Variants in DIAPH3 observed in about 807,000 individuals in gnomAD.
The protein encoded by DIAPH3 is protein diaphanous homolog 3.
A neutral mutation model predicts 144.3 loss-of-function variants in DIAPH3; 117 were observed. The observed-to-expected ratio is 0.81, with a 90% CI of 0.70 to 0.95. The LOEUF (loss-of-function observed/expected upper bound fraction) is 0.95, where lower values mean the gene tolerates loss of function less well. Ranked by LOEUF, DIAPH3 falls within the 40% of genes least tolerant of loss-of-function variation. DIAPH3 has a pLI of 0.00. For synonymous variants in DIAPH3, 519 were observed against 488.9 expected, an observed-to-expected ratio of 1.06 and a Z score of -0.81; for missense variants, 1,421 against 1,412.7, an observed-to-expected ratio of 1.01 and a Z score of -0.09.
intron 3 of DIAPH3, among the ~76,000 whole-genome samples, chr13:60,111,198 C>A (rs1267945780): frequency 6.6e-6 from 1 of 152,086 alleles, no homozygotes. Context: ...AAGAGAGTTA[C>A]CTTCATATAG....
At chr13:59,789,133 G>A (rs952905639) in intron 25 of DIAPH3, among the ~76,000 whole-genome samples, 6 of 152,168 alleles carry the variant, frequency 3.9e-5, no homozygotes, top group African/African-American at 1.4e-4. Flanking sequence ...GAATGTCGGC[G>A]GGTGGGGGGG....
intron 27 of DIAPH3, among the ~76,000 whole-genome samples, chr13:59,700,642 C>A (rs1489691318): frequency 1.3e-5 from 2 of 152,130 alleles, no homozygotes; most frequent in African/African-American, 4.8e-5. Context: ...GGTGCAAAGA[C>A]CATGATCTTC....
At chr13:60,150,429 G>T (rs1225747610) in intron 1 of DIAPH3, among the ~76,000 whole-genome samples, 2 of 152,194 alleles carry the variant, frequency 1.3e-5, no homozygotes, top group Non-Finnish European at 2.9e-5. Flanking sequence ...AATTGAAAAG[G>T]AGATGACCAA....
At chr13:59,723,142 G>A in intron 27 of DIAPH3, among the ~76,000 whole-genome samples, 1 of 152,156 alleles carries the variant, frequency 6.6e-6, no homozygotes, top group East Asian at 1.9e-4. Context: ...ATGTGTTCTT[G>A]GTGACACTGA....
chr13:59,945,801 T>G (rs1387287252), intron 17 of DIAPH3, among the ~76,000 whole-genome samples: 3 of 152,212 alleles, frequency 2.0e-5, no homozygotes, highest in Non-Finnish European at 4.4e-5. Flanking sequence ...TGAGTATTTC[T>G]GTCCTGTTTC....
intron 20 of DIAPH3, among the ~76,000 whole-genome samples, chr13:59,882,109 G>T (rs1453941995): frequency 6.6e-6 from 1 of 151,852 alleles, no homozygotes; most frequent in East Asian, 1.9e-4. Context: ...CTTTTTTTGA[G>T]GCAGAGTCTC....
At chr13:60,085,301 C>CT (rs1319079816) in intron 4 of DIAPH3, among the ~76,000 whole-genome samples, 21 of 151,998 alleles carry the variant, frequency 1.4e-4, no homozygotes, top group Admixed American at 1.4e-3. Context: ...GCAAACTATC[C>CT]TTGAAGCCAC....
chr13:59,720,746 T>A (rs1383342812), intron 27 of DIAPH3, among the ~76,000 whole-genome samples: 1 of 152,048 alleles, frequency 6.6e-6, no homozygotes, highest in Non-Finnish European at 1.5e-5. Flanking sequence ...AGAAAAAAAA[T>A]TAGAATTTTT....
chr13:59,843,882 T>G (rs1355491832), intron 22 of DIAPH3, among the ~76,000 whole-genome samples: 1 of 152,168 alleles, frequency 6.6e-6, no homozygotes, highest in Non-Finnish European at 1.5e-5. Flanking sequence ...GCTGTATTTA[T>G]AAGTCGGATC....
chr13:59,864,465 G>A (rs901236795), intron 21 of DIAPH3, among the ~76,000 whole-genome samples: 1 of 151,878 alleles, frequency 6.6e-6, no homozygotes. Flanking sequence ...TGTTTGGAAC[G>A]TTAAGACAAT....
intron 25 of DIAPH3, among the ~76,000 whole-genome samples, chr13:59,794,182 G>C (rs2039466829): frequency 6.6e-6 from 1 of 152,090 alleles, no homozygotes; most frequent in Non-Finnish European, 1.5e-5. Context: ...GTAGGTTTAG[G>C]TATATTAAAT....
rs933605192 is a variant in DIAPH3 at position 60,080,869 on chromosome 13, G to C, written c.495+12759C>G. On this transcript the variant is annotated intron_variant, in intron 4 of 27. Coordinates refer to ENST00000400324, the MANE Select transcript of DIAPH3 (RefSeq NM_001042517.2). The stretch of plus-strand genomic sequence containing the variant: ...GTCACACATCACTTTTCACATTACT[G>C]AGCCATTTTAAAACAGAAGGTGATA... Among the ~76,000 whole-genome samples the C allele has an allele frequency of 4.6e-5, 7 of 151,870 alleles. 1 individual carries two copies. Among genetic ancestry groups the C allele is most frequent in the Admixed American group, 3.9e-4 (6 of 15,226 alleles).
intron 3 of DIAPH3, among the ~76,000 whole-genome samples, chr13:60,094,428 C>T (rs1257803707): frequency 1.3e-5 from 2 of 152,138 alleles, no homozygotes; most frequent in East Asian, 3.9e-4. Flanking sequence ...AGGTATATAT[C>T]CACATAAATA....
chr13:59,799,057 T>C (rs1327229918), intron 25 of DIAPH3, among the ~76,000 whole-genome samples: 1 of 151,596 alleles, frequency 6.6e-6, no homozygotes, highest in African/African-American at 2.4e-5. Context: ...AGAGCACGAG[T>C]GCAAGAGAAG....
intron 27 of DIAPH3, among the ~76,000 whole-genome samples, chr13:59,677,001 C>G (rs913271370): frequency 1.3e-5 from 2 of 152,038 alleles, no homozygotes; most frequent in Non-Finnish European, 2.9e-5. Flanking sequence ...AGTAAGAAAT[C>G]TAATTCATAT....
intron 22 of DIAPH3, among the ~76,000 whole-genome samples, chr13:59,854,324 C>G (rs191526879): frequency 1.3e-5 from 2 of 152,274 alleles, no homozygotes; most frequent in Non-Finnish European, 2.9e-5. Flanking sequence ...TTTACAGGCA[C>G]TCAGTTTGTG....
chr13:60,137,500 A>C (rs1180345464), intron 1 of DIAPH3, among the ~76,000 whole-genome samples: 6 of 152,190 alleles, frequency 3.9e-5, no homozygotes, highest in Non-Finnish European at 5.9e-5. Flanking sequence ...ACACAGTGAA[A>C]AAGATGCCAA....
intron 9 of DIAPH3, among the ~76,000 whole-genome samples, chr13:59,998,726 G>C (rs2052356769): frequency 6.6e-6 from 1 of 152,100 alleles, no homozygotes; most frequent in East Asian, 1.9e-4. Flanking sequence ...ATTATTTACT[G>C]ATCCATTTTA....
chr13:60,029,307 C>A (rs1050608773), intron 5 of DIAPH3, among the ~76,000 whole-genome samples: 9 of 152,202 alleles, frequency 5.9e-5, no homozygotes, highest in African/African-American at 2.2e-4. Context: ...CTTATACAAG[C>A]CACCCTCCTA....
Sources: allele counts gnomAD v4.1 joint callset (sites outside exome capture counted in the v4.1 genomes callset), GRCh38; gene constraint gnomAD v4.1.1; transcripts MANE v1.5; gene names NCBI Gene and HGNC (gene_info 2026-07-23, HGNC 2026-07-21).